Variants in ATG10 observed in about 807,000 individuals in gnomAD.
ATG10 encodes autophagy related 10.
In ATG10, 30 loss-of-function variants were observed where a neutral mutation model predicts 32.1. The observed-to-expected ratio is 0.94, with a 90% CI of 0.70 to 1.27. The LOEUF is 1.27. Ranked by LOEUF, ATG10 falls within the 50% of genes most tolerant of loss-of-function variation. The probability of loss-of-function intolerance (pLI) is 0.00; values close to 1 mark genes in which losing one functional copy is unlikely to be tolerated. For missense variants in ATG10, 233 were observed against 262.3 expected, an observed-to-expected ratio of 0.89 and a Z score of 0.77; for synonymous variants, 87 against 91.5, an observed-to-expected ratio of 0.95 and a Z score of 0.28.
At chr5:81,978,359 T>C (rs1760929570) in intron 1 of ATG10, among the ~76,000 whole-genome samples, 1 of 152,190 alleles carries the variant, frequency 6.6e-6, no homozygotes, top group African/African-American at 2.4e-5. Flanking sequence ...CATGAGCCAC[T>C]GCTCCTTTCT....
chr5:82,221,936 T>C (rs920850605), intron 5 of ATG10, among the ~76,000 whole-genome samples: 18 of 152,312 alleles, frequency 1.2e-4, no homozygotes, highest in Non-Finnish European at 1.8e-4. Context: ...GCTAGTCTTT[T>C]AGTGAATATG....
chr5:82,179,549 T>C (rs930072165), intron 5 of ATG10, among the ~76,000 whole-genome samples: 1 of 152,100 alleles, frequency 6.6e-6, no homozygotes, highest in African/African-American at 2.4e-5. Context: ...ATATAAAAAG[T>C]AGATTTGCAA....
At chr5:82,098,252 C>T (rs1581687530) in intron 3 of ATG10, among the ~76,000 whole-genome samples, 1 of 149,602 alleles carries the variant, frequency 6.7e-6, no homozygotes, top group Middle Eastern at 3.5e-3. Flanking sequence ...CAATAGTGAA[C>T]TTAATTATTT....
In ATG10 at chr5:82,178,480, A is replaced by G. The variant is rs376187735; in HGVS notation, c.356-10A>G. On this transcript the variant is annotated splice_polypyrimidine_tract_variant and intron_variant, in intron 4 of 7. Transcript: ENST00000282185. The stretch of plus-strand genomic sequence containing the variant: ...ATTACTAACTCAGTCTTTACCATGC[A>G]CTTTCACAGATGGGAGACCTTTAAC... The G allele has an allele frequency of 1.9e-6, 3 of 1,554,088 alleles. No individual in the cohort carries two copies. Among genetic ancestry groups the G allele is most frequent in the East Asian group, 2.2e-5 (1 of 44,542 alleles).
At chr5:82,205,835 T>TA (rs1745268211) in intron 5 of ATG10, among the ~76,000 whole-genome samples, 2 of 152,084 alleles carry the variant, frequency 1.3e-5, no homozygotes, top group African/African-American at 4.8e-5. Flanking sequence ...CAAAATAGAG[T>TA]CAGCCAAATT....
chr5:82,083,823 A>G (rs1561290181), intron 3 of ATG10, among the ~76,000 whole-genome samples: 2 of 152,216 alleles, frequency 1.3e-5, no homozygotes, highest in Middle Eastern at 3.2e-3. Flanking sequence ...CCCCATCTGT[A>G]TGTCACCATC....
At chr5:82,151,546 A>ATATTAT (rs544894320) in intron 3 of ATG10, among the ~76,000 whole-genome samples, 142 of 151,924 alleles carry the variant, frequency 9.3e-4, no homozygotes, top group African/African-American at 3.2e-3. Context: ...ATCTGGGATG[A>ATATTAT]TATTATTCAA....
chr5:82,024,292 A>G (rs200102642), intron 2 of ATG10, among the ~76,000 whole-genome samples: 6 of 93,402 alleles, frequency 6.4e-5, no homozygotes, highest in East Asian at 6.5e-3. Context: ...TTGACAGGGT[A>G]GAGGTAGATA....
At chr5:82,129,535 C>A (rs958118076) in intron 3 of ATG10, among the ~76,000 whole-genome samples, 6 of 152,020 alleles carry the variant, frequency 3.9e-5, no homozygotes, top group African/African-American at 1.4e-4. Context: ...TCTTTGTGGA[C>A]AATCTTTTTG....
At chr5:82,097,013 G>A (rs1765090986) in intron 3 of ATG10, among the ~76,000 whole-genome samples, 1 of 152,080 alleles carries the variant, frequency 6.6e-6, no homozygotes, top group Admixed American at 6.6e-5. Context: ...TGTGTGCATT[G>A]TGAAGCAATA....
At chr5:81,973,974 A>G (rs898332647) in intron 1 of ATG10, among the ~76,000 whole-genome samples, 10 of 152,342 alleles carry the variant, frequency 6.6e-5, no homozygotes, top group African/African-American at 2.4e-4. Context: ...ATTTTGGTAC[A>G]TGGTGGGCCA....
intron 5 of ATG10, among the ~76,000 whole-genome samples, chr5:82,220,403 C>T (rs1225868795): frequency 6.6e-6 from 1 of 151,710 alleles, no homozygotes; most frequent in East Asian, 2.0e-4. Flanking sequence ...GCTGGGACTA[C>T]AGGCACCCGC....
At chr5:82,013,957 C>G (rs529255817) in intron 2 of ATG10, among the ~76,000 whole-genome samples, 1 of 152,002 alleles carries the variant, frequency 6.6e-6, no homozygotes, top group Admixed American at 6.6e-5. Flanking sequence ...CTTTCTCTTG[C>G]GGGCATTTAG....
At position 81,972,645 on chromosome 5, in the gene ATG10, G is replaced by A. The variant is rs143955279; in HGVS notation, c.-13+339G>A. On this transcript the variant is annotated intron_variant, in intron 1 of 7. Transcript: ENST00000282185. ...TCCACATACTGATAGCAAATCTTTG[G>A]TTGAAACAGTATTAAATTACTGGGG... 477 of 152,358 alleles carry A rather than the reference G, an allele frequency of 3.1e-3. 2 individuals are homozygous for A. Among genetic ancestry groups the A allele is most frequent in the African/African-American group, 0.011 (442 of 41,576 alleles). The allele number at this position is 152,358 out of a possible 1,614,324, so 9.4% of individuals were successfully genotyped here. A position where few individuals can be genotyped will look rare whatever the true frequency, so the allele number is the denominator to read the frequency against.
intron 1 of ATG10, 44 bp from the exon 2 acceptor site, chr5:81,987,515 T>C: frequency 7.5e-7 from 1 of 1,329,784 alleles, no homozygotes; most frequent in Non-Finnish European, 1.1e-6. Context: ...TTCCTTTCAA[T>C]ATAATTCTAA....
At chr5:82,139,987 G>A (rs1767011338) in intron 3 of ATG10, among the ~76,000 whole-genome samples, 1 of 129,340 alleles carries the variant, frequency 7.7e-6, no homozygotes, top group Non-Finnish European at 1.7e-5. Context: ...GGGAGGTGAG[G>A]GGCGCCTCTG....
At chr5:82,121,014 A>G (rs1433130948) in intron 3 of ATG10, among the ~76,000 whole-genome samples, 7 of 152,236 alleles carry the variant, frequency 4.6e-5, no homozygotes, top group Non-Finnish European at 1.0e-4. Flanking sequence ...GTGAAATGAT[A>G]AAACTATATT....
chr5:82,219,767 G>C (rs1313485223), intron 5 of ATG10, among the ~76,000 whole-genome samples: 1 of 152,160 alleles, frequency 6.6e-6, no homozygotes, highest in African/African-American at 2.4e-5. Context: ...TATACTGTTT[G>C]CTCTACATGC....
At chr5:82,105,971 A>G (rs1462942516) in intron 3 of ATG10, among the ~76,000 whole-genome samples, 1 of 152,190 alleles carries the variant, frequency 6.6e-6, no homozygotes, top group Non-Finnish European at 1.5e-5. Flanking sequence ...AATTAAGAAT[A>G]GAATTAATTT....
Sources: allele counts gnomAD v4.1 joint callset (sites outside exome capture counted in the v4.1 genomes callset), GRCh38; gene constraint gnomAD v4.1.1; transcripts MANE v1.5; gene names NCBI Gene and HGNC (gene_info 2026-07-23, HGNC 2026-07-21).